The following SPOCK3 variants were observed in gnomAD, a reference collection of about 807,000 sequenced individuals.
SPOCK3 encodes testican-3.
In SPOCK3, 30 loss-of-function variants were observed where a neutral mutation model predicts 56.6. The ratio of observed to expected loss-of-function variants is 0.53; its 90% CI spans 0.40 to 0.72. SPOCK3 has a LOEUF of 0.72. Ranked by LOEUF, SPOCK3 falls within the 30% of genes least tolerant of loss-of-function variation. The pLI is 0.00. For missense variants in SPOCK3, 527 were observed against 530.0 expected, an observed-to-expected ratio of 0.99 and a Z score of 0.06; for synonymous variants, 196 against 183.3, an observed-to-expected ratio of 1.07 and a Z score of -0.56.
At chr4:166,752,409 T>G (rs1736491265) in intron 8 of SPOCK3, among the ~76,000 whole-genome samples, 1 of 152,102 alleles carries the variant, frequency 6.6e-6, no homozygotes, top group African/African-American at 2.4e-5. Flanking sequence ...CATCATTATT[T>G]TCCAGTTGTT....
chr4:167,064,347 T>C (rs893723443), intron 2 of SPOCK3, among the ~76,000 whole-genome samples: 4 of 151,800 alleles, frequency 2.6e-5, no homozygotes, highest in African/African-American at 9.7e-5. Context: ...TAGGATTAGA[T>C]TAAGAAAGGA....
Position 167,214,966 on chromosome 4 carries a change from C to T in SPOCK3, c.189+19019G>A, listed in dbSNP as rs550260774. Among the ~76,000 whole-genome samples the T allele has an allele frequency of 1.0e-4, 15 of 150,622 alleles. No individual in the cohort carries two copies. In the East Asian group the frequency reaches 1.6e-3, roughly 16 times the overall value. On this transcript the variant is annotated intron_variant, in intron 2 of 10. Coordinates refer to ENST00000357545, the MANE Select transcript of SPOCK3 (RefSeq NM_001040159.2). ...GCCATGGCAAACCCTCGATAATATA[C>T]ATATATATATTTACTGTATATATAT...
At chr4:167,118,963 T>C (rs1761646169) in intron 2 of SPOCK3, among the ~76,000 whole-genome samples, 1 of 152,120 alleles carries the variant, frequency 6.6e-6, no homozygotes, top group African/African-American at 2.4e-5. Flanking sequence ...TATTTCAGAC[T>C]CTCACTGTTC....
chr4:167,107,903 C>A (rs1483685094), intron 2 of SPOCK3, among the ~76,000 whole-genome samples: 1 of 151,718 alleles, frequency 6.6e-6, no homozygotes, highest in African/African-American at 2.4e-5. Context: ...TGAAAGATTC[C>A]TTCTCACAAG....
At chr4:166,854,074 C>T (rs1030850596) in intron 6 of SPOCK3, among the ~76,000 whole-genome samples, 2 of 152,148 alleles carry the variant, frequency 1.3e-5, no homozygotes, top group East Asian at 1.9e-4. Flanking sequence ...CATAGCTCAA[C>T]TCAATATATT....
intron 3 of SPOCK3, among the ~76,000 whole-genome samples, chr4:167,019,414 A>G (rs1344431912): frequency 1.3e-5 from 2 of 151,932 alleles, no homozygotes; most frequent in African/African-American, 4.8e-5. Context: ...ATATATAAAT[A>G]TATACAGTTA....
chr4:166,895,753 G>T (rs1735310630), intron 5 of SPOCK3, among the ~76,000 whole-genome samples: 1 of 152,084 alleles, frequency 6.6e-6, no homozygotes. Context: ...AATGATCAAT[G>T]GTCACCAAAC....
At chr4:166,896,325 C>G (rs1437781683) in intron 5 of SPOCK3, among the ~76,000 whole-genome samples, 1 of 152,098 alleles carries the variant, frequency 6.6e-6, no homozygotes, top group Non-Finnish European at 1.5e-5. Flanking sequence ...GCCCTGCCCC[C>G]ACCCATGGCT....
In SPOCK3 at chr4:166,860,802, C is replaced by CATATATAT; in HGVS notation, c.589+28320_589+28327dup. Among the ~76,000 whole-genome samples the CATATATAT allele has an allele frequency of 2.8e-4, 29 of 101,934 alleles. 2 individuals carry two copies. The highest frequency in any genetic ancestry group is 6.8e-4 in the African/African-American group (18 of 26,300). The allele number at this position is 101,934 out of a possible 152,430, so 66.9% of individuals were successfully genotyped here. The stretch of plus-strand genomic sequence containing the variant: ...ACACGTGTACATGCACACACAAATT[C>CATATATAT]ATATATATATATATGTATATATATA... On this transcript the variant is annotated intron_variant, in intron 6 of 10. Coordinates refer to ENST00000357545, the MANE Select transcript of SPOCK3 (RefSeq NM_001040159.2).
At chr4:166,922,666 T>C (rs1323557514) in intron 4 of SPOCK3, among the ~76,000 whole-genome samples, 1 of 152,172 alleles carries the variant, frequency 6.6e-6, no homozygotes, top group Non-Finnish European at 1.5e-5. Context: ...TGGGAGATTA[T>C]GGACCCACTT....
At chr4:167,079,147 C>G in intron 2 of SPOCK3, among the ~76,000 whole-genome samples, 1 of 151,648 alleles carries the variant, frequency 6.6e-6, no homozygotes, top group Non-Finnish European at 1.5e-5. Context: ...AAGATACTGT[C>G]AAATATAAGA....
At chr4:166,773,622 G>T (rs1739205597) in intron 7 of SPOCK3, among the ~76,000 whole-genome samples, 1 of 151,914 alleles carries the variant, frequency 6.6e-6, no homozygotes, top group African/African-American at 2.4e-5. Context: ...TTACTACTTA[G>T]CTCTTAAATA....
At chr4:166,883,868 C>A (rs1733922144) in intron 6 of SPOCK3, among the ~76,000 whole-genome samples, 1 of 152,098 alleles carries the variant, frequency 6.6e-6, no homozygotes, top group Non-Finnish European at 1.5e-5. Context: ...AAAATTATAA[C>A]CGCTAAAACA....
rs1731866854 is a variant in SPOCK3 at position 167,185,512 on chromosome 4, A to G, written c.189+48473T>C. Among the ~76,000 whole-genome samples the G allele has an allele frequency of 2.6e-5, 4 of 152,084 alleles. No individual in the cohort carries two copies. The South Asian group carries it at 8.3e-4, about 32-fold the overall frequency. On this transcript the variant is annotated intron_variant, in intron 2 of 10. Coordinates refer to ENST00000357545, the MANE Select transcript of SPOCK3 (RefSeq NM_001040159.2). ...TCCCTTTCTTTTTTCTTTCTCCACC[A>G]GAGAACCAACCCTAAATCATCCAAA...
chr4:167,227,407 T>C (rs183322490), intron 2 of SPOCK3, among the ~76,000 whole-genome samples: 4 of 152,258 alleles, frequency 2.6e-5, no homozygotes, highest in Non-Finnish European at 5.9e-5. Flanking sequence ...AAAAAACCTT[T>C]AGGTAAGGAT....
intron 2 of SPOCK3, among the ~76,000 whole-genome samples, chr4:167,142,959 C>T (rs985242605): frequency 1.3e-5 from 2 of 151,830 alleles, no homozygotes; most frequent in Non-Finnish European, 2.9e-5. Context: ...TAATATTATG[C>T]CACTAGCTGA....
In SPOCK3 at chr4:166,734,943, TCAC is replaced by T. The variant is rs1734065140; in HGVS notation, c.1277_1279del (p.Gly426del). On this transcript the variant is annotated inframe_deletion, in exon 11 of 11. Transcript: ENST00000357545. ...CAATCAAATGTATACATCATGGTCA[TCAC>T]CACCATCATCATCATCCCCTTCATC... 4.5e-6 allele frequency: 7 copies of T among 1,550,120 alleles called. No individual in the cohort carries two copies. The highest frequency in any genetic ancestry group is 3.4e-5 in the Admixed American group (2 of 59,198).
intron 4 of SPOCK3, among the ~76,000 whole-genome samples, chr4:166,953,040 T>TA (rs1315981378): frequency 6.6e-6 from 1 of 151,692 alleles, no homozygotes; most frequent in Non-Finnish European, 1.5e-5. Context: ...ACTTCATGTC[T>TA]AAAAAACCAA....
intron 2 of SPOCK3, among the ~76,000 whole-genome samples, chr4:167,111,762 C>CTTTT (rs3082401): frequency 6.9e-6 from 1 of 145,790 alleles, no homozygotes; most frequent in Admixed American, 6.9e-5. Flanking sequence ...AAAAGTAGCA[C>CTTTT]TTTTTTTTTT....
Sources: gnomAD v4.1 joint callset for allele counts (sites outside exome capture counted in the v4.1 genomes callset) on GRCh38, gnomAD v4.1.1 for gene constraint, MANE v1.5 for transcripts, NCBI Gene and HGNC (gene_info 2026-07-23, HGNC 2026-07-21) for gene names.